SPAG4: variants seen among roughly 807,000 people sequenced by gnomAD.
SPAG4 encodes the protein sperm associated antigen 4.
SPAG4 carries 54 observed loss-of-function variants against 53.9 expected under a neutral mutation model. That is an observed-to-expected ratio of 1.00 (90% confidence interval 0.80 to 1.26). The LOEUF is 1.26. Among genes scored for constraint, SPAG4 ranks in the 50% most tolerant of loss-of-function variants. SPAG4 has a pLI of 0.00. For missense variants in SPAG4, 548 were observed against 568.6 expected (o/e 0.96, Z 0.37); for synonymous variants, 246 against 237.4 (o/e 1.04, Z -0.33).
chr20:35,616,138 G>A lies in SPAG4; in HGVS notation c.135G>A (p.Gly45=), dbSNP rs760780794. 1.2e-5 allele frequency: 20 copies of A among 1,604,740 alleles called. No homozygotes were observed. The highest frequency in any genetic ancestry group is 6.6e-5 in the South Asian group (6 of 90,350). Residue 45 remains glycine, a synonymous_variant, in exon 1 of 12, where the codon GGG becomes GGA. Coordinates refer to ENST00000374273, the MANE Select transcript of SPAG4 (RefSeq NM_003116.3). ...KGLRSAEPGP[G]EPEGRRARGP... The stretch of plus-strand genomic sequence containing the variant: ...TCCGGTCAGCGGAGCCCGGGCCTGG[G>A]GAGCCCGAGGGCAGAAGAGCCCGGG...
At position 35,620,868 on chromosome 20, in the gene SPAG4, C is replaced by A; in HGVS notation, c.1168-8C>A. On this transcript the variant is annotated splice_polypyrimidine_tract_variant and splice_region_variant and intron_variant, in intron 11 of 11. Transcript: ENST00000374273. Reference sequence around the variant, plus strand: ...GCAGCCCTTGGCATGATCCATTTGTCTCCCCAGAATGACCCCCCAGCTGCC... The same window carrying A: ...GCAGCCCTTGGCATGATCCATTTGTATCCCCAGAATGACCCCCCAGCTGCC... 2.5e-6 allele frequency: 4 copies of A among 1,613,878 alleles called. No homozygotes were observed.
intron 2 of SPAG4, 88 bp from the exon 3 acceptor site, chr20:35,617,403 GAGCCCCAGGCCCACCCCCGGCCCCTCCCA>G: frequency 9.5e-7 from 1 of 1,053,098 alleles, no homozygotes; most frequent in Non-Finnish European, 1.4e-6. Flanking sequence ...CTCTCTTCCT[GAGCCCCAGGCCCACCCCCGGCCCCTCCCA>G]AGCCCCTTCT....
chr20:35,619,838 C>A, intron 10 of SPAG4, 92 bp downstream of exon 10: 1 of 1,317,556 alleles, frequency 7.6e-7, no homozygotes, highest in South Asian at 1.4e-5. Context: ...TCTTCGCTTG[C>A]TCATCTATAA....
In SPAG4 at chr20:35,618,154, G is replaced by A. The variant is rs540089727; in HGVS notation, c.582+24G>A. The A allele has an allele frequency of 1.9e-6, 3 of 1,611,100 alleles. No individual in the cohort carries two copies. In the African/African-American group the frequency reaches 4.0e-5, roughly 22 times the overall value. On this transcript the variant is annotated intron_variant, in intron 5 of 11. Coordinates refer to ENST00000374273, the MANE Select transcript of SPAG4 (RefSeq NM_003116.3). ...ATGTGAGTTGGGGAGACTGTCTTGGGGTAGGGGGTTGGCAGGTTGTGAACC... is the reference window on the plus strand; with the variant it reads ...ATGTGAGTTGGGGAGACTGTCTTGGAGTAGGGGGTTGGCAGGTTGTGAACC...
rs2031548317 is a variant in SPAG4, at chr20:35,620,674, C to T, written c.1078-10C>T. 2 of 1,108,460 alleles carry T rather than the reference C, an allele frequency of 1.8e-6. No individual in the cohort carries two copies. Among genetic ancestry groups the T allele is most frequent in the African/African-American group, 1.9e-5 (1 of 52,674 alleles). The allele number at this position is 1,108,460 out of a possible 1,614,324, so 68.7% of individuals were successfully genotyped here. On this transcript the variant is annotated splice_polypyrimidine_tract_variant and intron_variant, in intron 10 of 11. Transcript: ENST00000374273. Reference sequence around the variant, plus strand: ...CCTCATAGTTCCTCCTTTCATTCTTCACCCACCAGGGCCTCCAGGTTTATG... The same window carrying T: ...CCTCATAGTTCCTCCTTTCATTCTTTACCCACCAGGGCCTCCAGGTTTATG...
chr20:35,616,325 C>A lies in SPAG4; in HGVS notation c.304+18C>A. Reference sequence around the variant, plus strand: ...GGCCTCGGGTGCGGGCGGGGTCGACCCCGGGTGAGCCAGTGGAGGGGGCGG... The same window carrying A: ...GGCCTCGGGTGCGGGCGGGGTCGACACCGGGTGAGCCAGTGGAGGGGGCGG... On this transcript the variant is annotated intron_variant, in intron 1 of 11. Coordinates refer to ENST00000374273, the MANE Select transcript of SPAG4 (RefSeq NM_003116.3). 1 of 1,451,590 alleles carries A rather than the reference C, an allele frequency of 6.9e-7. No homozygotes were observed. The allele number at this position is 1,451,590 out of a possible 1,614,324, so 89.9% of individuals were successfully genotyped here.
intron 9 of SPAG4, 96 bp downstream of exon 9, chr20:35,619,406 G>A: frequency 1.4e-6 from 2 of 1,415,400 alleles, no homozygotes; most frequent in Non-Finnish European, 2.0e-6. Flanking sequence ...TGAGCCGAGG[G>A]CGTGGAGGAT....
rs755893676 is a variant in SPAG4 at position 35,618,720 on chromosome 20, G to A, written c.717G>A (p.Glu239=). 7.0e-6 allele frequency: 11 copies of A among 1,574,980 alleles called. No homozygotes were observed. The highest frequency in any genetic ancestry group is 9.5e-6 in the Non-Finnish European group (11 of 1,159,098). ...EVSTVRAANS[E]RVAKLVFQRL... ...CCACTGTTCGGGCAGCCAACAGCGAGGTGAGCCCCGGCCCACCTTGGAAAC... is the reference window on the plus strand; with the variant it reads ...CCACTGTTCGGGCAGCCAACAGCGAAGTGAGCCCCGGCCCACCTTGGAAAC... The change falls in exon 7 of 12, where the codon GAG becomes GAA. Residue 239 remains glutamate, a splice_region_variant and synonymous_variant. Coordinates refer to ENST00000374273, the MANE Select transcript of SPAG4 (RefSeq NM_003116.3).
rs747429686 is a variant in SPAG4 at position 35,617,769 on chromosome 20, G to A, written c.477-10G>A. 3.1e-6 allele frequency: 5 copies of A among 1,613,648 alleles called. No homozygotes were observed. The highest frequency in any genetic ancestry group is 4.2e-6 in the Non-Finnish European group (5 of 1,179,804). ...CAGGTCGGGGCCTCAGCCTCCCTCC[G>A]GTTCCCCAGGGAGGTCTGTTCCATC... On this transcript the variant is annotated splice_polypyrimidine_tract_variant and intron_variant, in intron 3 of 11. Coordinates refer to ENST00000374273, the MANE Select transcript of SPAG4 (RefSeq NM_003116.3).
intron 8 of SPAG4, 25 bp downstream of exon 8, chr20:35,619,023 C>T (rs1401676026): frequency 6.3e-7 from 1 of 1,597,972 alleles, no homozygotes; most frequent in Admixed American, 1.7e-5. Context: ...CACTGGAAGA[C>T]AGAGACGCAG....
Position 35,620,817 on chromosome 20 carries a change from T to C in SPAG4, c.1167+44T>C, listed in dbSNP as rs1271910966. On this transcript the variant is annotated intron_variant, in intron 11 of 11. Coordinates refer to ENST00000374273, the MANE Select transcript of SPAG4 (RefSeq NM_003116.3). ...TGAAGGTGCCAAGGGAGTGGGGCAG[T>C]GAGGGATGAATGATCCAGGAGGAGG... 3 of 1,612,870 alleles carry C rather than the reference T, an allele frequency of 1.9e-6. No individual in the cohort carries two copies. The African/African-American group carries it at 4.0e-5, about 22-fold the overall frequency.
In SPAG4 at chr20:35,621,044, A is replaced by C; in HGVS notation, c.*22A>C. Reference sequence around the variant, plus strand: ...TTAAACATGCTGATTTTTGGAGTAGAATTGAGTTCTGCTGAAGGATACTGG... The same window carrying C: ...TTAAACATGCTGATTTTTGGAGTAGCATTGAGTTCTGCTGAAGGATACTGG... On this transcript the variant is annotated 3_prime_UTR_variant, in exon 12 of 12. Coordinates refer to ENST00000374273, the MANE Select transcript of SPAG4 (RefSeq NM_003116.3). 3.7e-6 allele frequency: 6 copies of C among 1,610,326 alleles called. No homozygotes were observed. Among genetic ancestry groups the C allele is most frequent in the Non-Finnish European group, 5.1e-6 (6 of 1,176,904 alleles).
chr20:35,618,782 A>C, intron 7 of SPAG4, 62 bp downstream of exon 7: 1 of 1,452,444 alleles, frequency 6.9e-7, no homozygotes, highest in Non-Finnish European at 9.5e-7. Flanking sequence ...CCTGAGACTT[A>C]AGCTCCGCCC....
intron 8 of SPAG4, 58 bp downstream of exon 8, chr20:35,619,056 GAC>G (rs2031483987): frequency 6.6e-7 from 1 of 1,509,712 alleles, no homozygotes; most frequent in Non-Finnish European, 9.2e-7. Context: ...CCAAGACACT[GAC>G]ACAGACAGAC....
chr20:35,619,683 T>A lies in SPAG4; in HGVS notation c.1014T>A (p.His338Gln). Residue 338 changes from histidine to glutamine, a missense_variant, in exon 10 of 12, where the codon CAT becomes CAA. His to Gln is a conservative substitution (Grantham distance 24). Transcript: ENST00000374273. The stretch of plus-strand genomic sequence containing the variant: ...AGCTGAGCGACATCACTCTGCAGCA[T>A]CCACCGCCCAGCGTGGAGCACACCG... Reference protein sequence around the residue: ...RVQLSDITLQHPPPSVEHTGG... With the variant: ...RVQLSDITLQQPPPSVEHTGG... The A allele has an allele frequency of 1.9e-6, 3 of 1,613,830 alleles. 1 individual carries two copies. In the South Asian group the frequency reaches 3.3e-5, roughly 18 times the overall value.
At chr20:35,616,328 G>T in intron 1 of SPAG4, 21 bp downstream of exon 1, 2 of 1,452,816 alleles carry the variant, frequency 1.4e-6, no homozygotes, top group East Asian at 2.5e-5. Context: ...GGTCGACCCC[G>T]GGTGAGCCAG....
Position 35,619,328 on chromosome 20 carries a change from C to A in SPAG4, c.909+18C>A. The A allele has an allele frequency of 1.2e-6, 2 of 1,600,054 alleles. No individual in the cohort carries two copies. The highest frequency in any genetic ancestry group is 1.7e-6 in the Non-Finnish European group (2 of 1,167,218). Reference sequence around the variant, plus strand: ...TCCTGGAGGTGAGTCTGGAAACATCCCGGGATGGGACCCCGGGCGGGACGC... The same window carrying A: ...TCCTGGAGGTGAGTCTGGAAACATCACGGGATGGGACCCCGGGCGGGACGC... On this transcript the variant is annotated intron_variant, in intron 9 of 11. Coordinates refer to ENST00000374273, the MANE Select transcript of SPAG4 (RefSeq NM_003116.3).
At chr20:35,619,825 G>A in intron 10 of SPAG4, 79 bp downstream of exon 10, 1 of 1,425,056 alleles carries the variant, frequency 7.0e-7, no homozygotes, top group Non-Finnish European at 9.6e-7. Flanking sequence ...GCCGTTATCT[G>A]AGTCTTCGCT....
intron 10 of SPAG4, among the ~76,000 whole-genome samples, chr20:35,620,115 C>T (rs1457377931): frequency 6.6e-6 from 1 of 152,064 alleles, no homozygotes; most frequent in Non-Finnish European, 1.5e-5. Context: ...GAATTACAGG[C>T]GTGCGCCACC....
Sources: allele counts gnomAD v4.1 joint callset (sites outside exome capture counted in the v4.1 genomes callset), GRCh38; gene constraint gnomAD v4.1.1; transcripts MANE v1.5; gene names NCBI Gene and HGNC (gene_info 2026-07-23, HGNC 2026-07-21).